Variants in CLDN20 observed in about 807,000 individuals in gnomAD.
CLDN20 encodes claudin 20.
For synonymous variants in CLDN20, 104 were observed against 103.6 expected, an observed-to-expected ratio of 1.00 and a Z score of -0.03; for missense variants, 258 against 267.9, an observed-to-expected ratio of 0.96 and a Z score of 0.26.
chr6:155,269,582 A>G (rs527811752), intron 1 of CLDN20, among the ~76,000 whole-genome samples: 8 of 152,034 alleles, frequency 5.3e-5, no homozygotes, highest in South Asian at 2.1e-4. Flanking sequence ...TCAGCCTCCC[A>G]AAGTGTTGGG....
chr6:155,265,390 T>C (rs936395510), intron 1 of CLDN20, among the ~76,000 whole-genome samples: 4 of 152,140 alleles, frequency 2.6e-5, no homozygotes, highest in Non-Finnish European at 5.9e-5. Flanking sequence ...CATACAAATA[T>C]AGTAATTCAT....
At chr6:155,266,605 G>A (rs1030978061) in intron 1 of CLDN20, among the ~76,000 whole-genome samples, 15 of 152,052 alleles carry the variant, frequency 9.9e-5, no homozygotes, top group Non-Finnish European at 2.1e-4. Context: ...CCAGCACTTT[G>A]GAAGGCCAAA....
chr6:155,275,162 C>T (rs1369295127), intron 1 of CLDN20, among the ~76,000 whole-genome samples: 1 of 151,956 alleles, frequency 6.6e-6, no homozygotes. Flanking sequence ...GGAGGTGGAG[C>T]TTGCAGTGAG....
chr6:155,276,117 TA>T lies in CLDN20; in HGVS notation c.400del (p.Ile134SerfsTer11). The T allele has an allele frequency of 6.2e-7, 1 of 1,614,220 alleles. No individual in the cohort carries two copies. The highest frequency in any genetic ancestry group is 8.5e-7 in the Non-Finnish European group (1 of 1,180,032). On this transcript the variant is annotated frameshift_variant, in exon 2 of 2. Coordinates refer to ENST00000367165, the MANE Select transcript of CLDN20 (RefSeq NM_001001346.3). LOFTEE classifies it low-confidence loss of function (END_TRUNC). ...TTCATGTCTGCAGGAATCTCTAGTT[TA>T]ATCTCGACAGTGTGGTACACAAAGG... Reference protein sequence around the residue: ...VCFMSAGISSLISTVWYTKEI... With the variant: ...VCFMSAGISSXISTVWYTKEI...
At chr6:155,268,954 A>AAAAAAAG (rs1784792296) in intron 1 of CLDN20, among the ~76,000 whole-genome samples, 2 of 141,924 alleles carry the variant, frequency 1.4e-5, no homozygotes, top group East Asian at 4.2e-4. Context: ...ATTAAAAAAA[A>AAAAAAAG]AAAAAAGAAA....
rs752133156 is a variant in CLDN20, at chr6:155,276,332, A to G, written c.613A>G (p.Thr205Ala). The G allele has an allele frequency of 6.2e-7, 1 of 1,613,640 alleles. No homozygotes were observed. The highest frequency in any genetic ancestry group is 2.2e-5 in the East Asian group (1 of 44,872). Residue 205 changes from threonine to alanine, a missense_variant, in exon 2 of 2, where the codon ACA becomes GCA. Physicochemically the swap from Thr to Ala is moderately conservative, Grantham distance 58. Coordinates refer to ENST00000367165, the MANE Select transcript of CLDN20 (RefSeq NM_001001346.3). ...ACCCACACAGCAGCCTATCTCTAACACACAGCTCGAGAACAATTCCACACA... is the reference window on the plus strand; with the variant it reads ...ACCCACACAGCAGCCTATCTCTAACGCACAGCTCGAGAACAATTCCACACA... The part of the protein sequence containing the change: ...DPPTQQPISN[T>A]QLENNSTHNL...
At position 155,275,669 on chromosome 6, in the gene CLDN20, T is replaced by C; in HGVS notation, c.-51T>C. ...GAAATAGATAGAATTCTGACAGCCA[T>C]CATTGTTAAACATCAGGATTTTCTA... On this transcript the variant is annotated 5_prime_UTR_variant, in exon 2 of 2. Coordinates refer to ENST00000367165, the MANE Select transcript of CLDN20 (RefSeq NM_001001346.3). The C allele has an allele frequency of 2.7e-6, 4 of 1,502,798 alleles. 1 individual carries two copies. The highest frequency in any genetic ancestry group is 3.6e-6 in the Non-Finnish European group (4 of 1,100,154). 93.1% of individuals were successfully genotyped at this position (1,502,798 alleles called of 1,614,324 possible).
chr6:155,268,689 C>T (rs1035909221), intron 1 of CLDN20, among the ~76,000 whole-genome samples: 8 of 151,984 alleles, frequency 5.3e-5, no homozygotes, highest in Non-Finnish European at 5.9e-5. Flanking sequence ...TGTGTCCACT[C>T]AGGGTTAAGT....
intron 1 of CLDN20, among the ~76,000 whole-genome samples, chr6:155,272,610 C>T (rs957731838): frequency 2.6e-5 from 4 of 152,032 alleles, no homozygotes; most frequent in Non-Finnish European, 4.4e-5. Context: ...CGGTATTATA[C>T]TCGTGGCTGG....
At position 155,275,939 on chromosome 6, in the gene CLDN20, C is replaced by T. The variant is rs1388046032; in HGVS notation, c.220C>T (p.Pro74Ser). The T allele has an allele frequency of 6.2e-7, 1 of 1,614,144 alleles. No individual in the cohort carries two copies. The highest frequency in any genetic ancestry group is 8.5e-7 in the Non-Finnish European group (1 of 1,180,044). The change falls in exon 2 of 2, where the codon CCC (proline) becomes TCC (serine). Residue 74 changes from proline to serine, a missense_variant. By Grantham distance (74) the Pro-to-Ser change is moderately conservative. Transcript: ENST00000367165. ...CALKHSILSL[P>S]IHVQAARATM... The stretch of plus-strand genomic sequence containing the variant: ...CCTGAAACACTCCATTCTGTCCCTC[C>T]CCATCCACGTGCAGGCTGCGAGAGC...
intron 1 of CLDN20, among the ~76,000 whole-genome samples, chr6:155,265,735 T>C (rs539043980): frequency 1.5e-3 from 204 of 140,512 alleles, no homozygotes; most frequent in African/African-American, 5.3e-3. Context: ...TATAAATATA[T>C]ATTATATATA....
Position 155,276,047 on chromosome 6 carries a change from G to T in CLDN20, c.328G>T (p.Asp110Tyr). The T allele has an allele frequency of 2.5e-6, 4 of 1,614,112 alleles. No individual in the cohort carries two copies. Among genetic ancestry groups the T allele is most frequent in the Non-Finnish European group, 3.4e-6 (4 of 1,180,024 alleles). The change falls in exon 2 of 2, where the codon GAC becomes TAC. Residue 110 changes from aspartate (D) to tyrosine (Y), a missense_variant. Asp to Tyr is a radical substitution (Grantham distance 160, BLOSUM62 -3). Coordinates refer to ENST00000367165, the MANE Select transcript of CLDN20 (RefSeq NM_001001346.3). ...VGMKCTRLGG[D>Y]RETKSHASFA... The stretch of plus-strand genomic sequence containing the variant: ...AATGAAATGTACTCGCTTAGGAGGG[G>T]ACAGAGAAACCAAGAGCCATGCTTC...
At chr6:155,267,138 C>A (rs1784689880) in intron 1 of CLDN20, among the ~76,000 whole-genome samples, 1 of 151,846 alleles carries the variant, frequency 6.6e-6, no homozygotes, top group African/African-American at 2.4e-5. Flanking sequence ...CCACACCCGG[C>A]CAATTTTTGT....
intron 1 of CLDN20, among the ~76,000 whole-genome samples, chr6:155,264,997 C>T (rs1041098): frequency 0.86 from 131,710 of 152,272 alleles, 57,411 homozygotes; most frequent in East Asian, 1. Context: ...TTTTCTGTTA[C>T]ATTTAATCTG....
At chr6:155,266,846 C>CA (rs1213939199) in intron 1 of CLDN20, among the ~76,000 whole-genome samples, 790 of 62,818 alleles carry the variant, frequency 0.013, 70 homozygotes, top group African/African-American at 0.021. Flanking sequence ...GACTCCGTCT[C>CA]AAAAAAAAAA....
chr6:155,275,000 C>T (rs1202515791), intron 1 of CLDN20, among the ~76,000 whole-genome samples: 5 of 151,630 alleles, frequency 3.3e-5, no homozygotes, highest in African/African-American at 9.7e-5. Context: ...GGGCGGATCA[C>T]GAGGTCAGGA....
At chr6:155,265,476 G>A (rs1204618511) in intron 1 of CLDN20, among the ~76,000 whole-genome samples, 2 of 147,918 alleles carry the variant, frequency 1.4e-5, no homozygotes, top group Non-Finnish European at 3.0e-5. Context: ...ATTCATAGCT[G>A]ATACTGTTAA....
Position 155,276,268 on chromosome 6 carries a change from C to T in CLDN20, c.549C>T (p.Thr183=). The T allele has an allele frequency of 1.2e-6, 2 of 1,614,070 alleles. No homozygotes were observed. Among genetic ancestry groups the T allele is most frequent in the Non-Finnish European group, 1.7e-6 (2 of 1,180,012 alleles). Reference sequence around the variant, plus strand: ...TTATCTCTGGCATGATTTTCTGCACCTCCTGTATAAAAAGGAATCCAGAAG... The same window carrying T: ...TTATCTCTGGCATGATTTTCTGCACTTCCTGTATAAAAAGGAATCCAGAAG... ...LLFISGMIFC[T]SCIKRNPEAR... Residue 183 remains threonine, a synonymous_variant, in exon 2 of 2, where the codon ACC becomes ACT. Coordinates refer to ENST00000367165, the MANE Select transcript of CLDN20 (RefSeq NM_001001346.3).
chr6:155,268,472 T>C (rs1462883499), intron 1 of CLDN20, among the ~76,000 whole-genome samples: 1 of 152,216 alleles, frequency 6.6e-6, no homozygotes, highest in South Asian at 2.1e-4. Flanking sequence ...TTAAGCTCTA[T>C]GAAAAGGTGT....
Sources: gnomAD v4.1 joint callset for allele counts (sites outside exome capture counted in the v4.1 genomes callset) on GRCh38, gnomAD v4.1.1 for gene constraint, MANE v1.5 for transcripts, NCBI Gene and HGNC (gene_info 2026-07-23, HGNC 2026-07-21) for gene names.